The following CALD1 variants were observed in gnomAD, a reference collection of about 807,000 sequenced individuals.
CALD1 encodes caldesmon.
CALD1 carries 33 observed loss-of-function variants against 99.9 expected under a neutral mutation model. The ratio of observed to expected loss-of-function variants is 0.33; its 90% CI spans 0.25 to 0.44. CALD1 has a LOEUF of 0.44. CALD1 is among the 20% of genes least tolerant of loss of function. CALD1 has a pLI of 1.00. For synonymous variants in CALD1, 310 were observed against 325.0 expected (o/e 0.95, Z 0.50); for missense variants, 861 against 962.1 (o/e 0.89, Z 1.39).
At chr7:134,901,200 T>C (rs1405492425) in intron 3 of CALD1, among the ~76,000 whole-genome samples, 1 of 150,632 alleles carries the variant, frequency 6.6e-6, no homozygotes, top group Non-Finnish European at 1.5e-5. Flanking sequence ...ATGCCATCAA[T>C]CTTGAAGTAT....
In CALD1 at chr7:134,785,414, A is replaced by G. The variant is rs145023377; in HGVS notation, c.-130+5665A>G. Among the ~76,000 whole-genome samples, 786 of 152,348 alleles carry G rather than the reference A, an allele frequency of 5.2e-3. 7 individuals are homozygous for G. The highest frequency in any genetic ancestry group is 0.018 in the African/African-American group (734 of 41,568). On this transcript the variant is annotated intron_variant, in intron 1 of 14. Coordinates refer to ENST00000361675, the MANE Select transcript of CALD1 (RefSeq NM_033138.4). ...ATGAAAGCAGTCTTGAAGATTTAAT[A>G]TGTAATCATTTAACAATTTTAATAA...
At chr7:134,901,062 A>C (rs184330251) in intron 3 of CALD1, among the ~76,000 whole-genome samples, 171 of 152,250 alleles carry the variant, frequency 1.1e-3, no homozygotes, top group South Asian at 8.1e-3. Context: ...TGTTAAAGGA[A>C]ACTTGCTGAA....
At chr7:134,826,905 T>C (rs949151609) in intron 1 of CALD1, among the ~76,000 whole-genome samples, 1 of 152,210 alleles carries the variant, frequency 6.6e-6, no homozygotes, top group Non-Finnish European at 1.5e-5. Flanking sequence ...AAGTTCTTTT[T>C]TTCTTCATTC....
chr7:134,753,010 G>C (rs1488248830), intron 1 of CALD1, among the ~76,000 whole-genome samples: 1 of 99,080 alleles, frequency 1.0e-5, no homozygotes, highest in African/African-American at 3.6e-5. Flanking sequence ...ACTCTGTATC[G>C]AAAAAAAAAA....
chr7:134,913,168 A>C (rs1803943338), intron 3 of CALD1, among the ~76,000 whole-genome samples: 1 of 152,220 alleles, frequency 6.6e-6, no homozygotes, highest in Non-Finnish European at 1.5e-5. Context: ...TGGGAGGCTA[A>C]GGCAGGAGAA....
At chr7:134,724,406 C>A in the CALD1 span, among the ~76,000 whole-genome samples, 7 of 152,116 alleles carry the variant, frequency 4.6e-5, no homozygotes. Context: ...GGGGAGAGCG[C>A]CTGGGGTTGT....
At chr7:134,809,167 A>G (rs1043071334) in intron 1 of CALD1, among the ~76,000 whole-genome samples, 6 of 152,344 alleles carry the variant, frequency 3.9e-5, no homozygotes, top group South Asian at 2.1e-4. Context: ...ACTGTAGTAC[A>G]ATACCGGGGA....
chr7:134,763,712 G>A (rs565655924), intron 1 of CALD1, among the ~76,000 whole-genome samples: 4 of 152,216 alleles, frequency 2.6e-5, no homozygotes, highest in African/African-American at 9.6e-5. Context: ...GAGGTCAGGA[G>A]TTTGAGACCA....
At chr7:134,800,859 C>T (rs894399699) in intron 1 of CALD1, among the ~76,000 whole-genome samples, 1 of 151,870 alleles carries the variant, frequency 6.6e-6, no homozygotes, top group Non-Finnish European at 1.5e-5. Context: ...AAATTTAAAG[C>T]AATGTCCAAT....
At chr7:134,758,439 T>C (rs193010968) in intron 1 of CALD1, among the ~76,000 whole-genome samples, 1 of 152,154 alleles carries the variant, frequency 6.6e-6, no homozygotes, top group East Asian at 1.9e-4. Context: ...GAACTGGTCA[T>C]TTGGGATATA....
At chr7:134,736,608 C>T in the CALD1 span, among the ~76,000 whole-genome samples, 8 of 152,198 alleles carry the variant, frequency 5.3e-5, no homozygotes, top group South Asian at 2.1e-4. Flanking sequence ...TGGCCAGTGG[C>T]ATCTGATCTG....
intron 2 of CALD1, among the ~76,000 whole-genome samples, chr7:134,858,896 G>C (rs1017817755): frequency 2.0e-5 from 3 of 152,180 alleles, no homozygotes; most frequent in African/African-American, 7.2e-5. Flanking sequence ...TAGTAGAGCT[G>C]TCCAGTAGAA....
chr7:134,872,792 T>C (rs192239302), intron 3 of CALD1, among the ~76,000 whole-genome samples: 1 of 152,336 alleles, frequency 6.6e-6, no homozygotes, highest in East Asian at 1.9e-4. Flanking sequence ...CAAATTAAAC[T>C]GTATTTTAAA....
rs143243862 is a variant in CALD1 at position 134,848,671 on chromosome 7, A to G, written c.-42+4700A>G. Among the ~76,000 whole-genome samples the G allele has an allele frequency of 1.4e-3, 206 of 152,324 alleles. 3 individuals carry two copies. Among genetic ancestry groups the G allele is most frequent in the African/African-American group, 4.8e-3 (199 of 41,576 alleles). ...AGCTCTTCTAGGAGTATTTTCTCCA[A>G]GTTCCTCAAAGAATTCCTCCCATAA... On this transcript the variant is annotated intron_variant, in intron 2 of 14. Transcript: ENST00000361675.
At chr7:134,732,804 G>C in the CALD1 span, among the ~76,000 whole-genome samples, 2 of 152,198 alleles carry the variant, frequency 1.3e-5, no homozygotes, top group African/African-American at 4.8e-5. Flanking sequence ...TCTAAAGACA[G>C]CAAGTAACAA....
chr7:134,801,100 C>T (rs754527957), intron 1 of CALD1, among the ~76,000 whole-genome samples: 56 of 151,956 alleles, frequency 3.7e-4, no homozygotes, highest in South Asian at 1.5e-3. Flanking sequence ...GTATTCTTCA[C>T]GTCTTTATTT....
At chr7:134,802,245 C>A (rs1396214881) in intron 1 of CALD1, among the ~76,000 whole-genome samples, 1 of 151,956 alleles carries the variant, frequency 6.6e-6, no homozygotes, top group Non-Finnish European at 1.5e-5. Flanking sequence ...ACATTGCCTA[C>A]CTTACACATC....
At chr7:134,735,965 A>G in the CALD1 span, among the ~76,000 whole-genome samples, 1 of 152,196 alleles carries the variant, frequency 6.6e-6, no homozygotes, top group African/African-American at 2.4e-5. Context: ...CCACCAACAC[A>G]CTGAGCAGAA....
intron 5 of CALD1, among the ~76,000 whole-genome samples, chr7:134,934,462 G>T (rs1175142496): frequency 1.3e-5 from 2 of 152,108 alleles, no homozygotes; most frequent in Non-Finnish European, 2.9e-5. Context: ...TCTATCCATA[G>T]GTCTGCATGA....
Sources: gnomAD v4.1 joint callset for allele counts (sites outside exome capture counted in the v4.1 genomes callset) on GRCh38, gnomAD v4.1.1 for gene constraint, MANE v1.5 for transcripts, NCBI Gene and HGNC (gene_info 2026-07-23, HGNC 2026-07-21) for gene names.